The following VPS37C variants were observed in gnomAD, a reference collection of about 807,000 sequenced individuals.
VPS37C encodes the protein vacuolar protein sorting-associated protein 37C.
A neutral mutation model predicts 16.1 loss-of-function variants in VPS37C; 9 were observed. That is an observed-to-expected ratio of 0.56 (90% confidence interval 0.34 to 0.97). VPS37C has a LOEUF of 0.97. Ranked by LOEUF, VPS37C falls within the 50% of genes least tolerant of loss-of-function variation. The probability of loss-of-function intolerance (pLI) is 0.02; values close to 1 mark genes in which losing one functional copy is unlikely to be tolerated. For synonymous variants in VPS37C, 207 were observed against 206.4 expected (o/e 1.00, Z -0.02); for missense variants, 479 against 472.7 (o/e 1.01, Z -0.12).
intron 1 of VPS37C, among the ~76,000 whole-genome samples, chr11:61,153,423 CA>C (rs1853332208): frequency 6.6e-6 from 1 of 152,178 alleles, no homozygotes. Flanking sequence ...ATTAGTTACC[CA>C]GTCTTGGGCA....
At chr11:61,153,445 T>C (rs531078622) in intron 1 of VPS37C, among the ~76,000 whole-genome samples, 83 of 152,190 alleles carry the variant, frequency 5.5e-4, no homozygotes, top group Non-Finnish European at 1.1e-3. Flanking sequence ...GTTCTTTTTA[T>C]TATAGCAGTG....
chr11:61,156,680 C>T (rs931776186), intron 1 of VPS37C, among the ~76,000 whole-genome samples: 3 of 152,164 alleles, frequency 2.0e-5, no homozygotes, highest in African/African-American at 4.8e-5. Context: ...AAGTAAAAAA[C>T]TTTTTAAGAG....
rs375160257 is a variant in VPS37C, at chr11:61,130,499, C to T, written c.*1321G>A. 4.9e-6 allele frequency: 1 copy of T among 203,924 alleles called. No individual in the cohort carries two copies. Among genetic ancestry groups the T allele is most frequent in the Non-Finnish European group, 9.9e-6 (1 of 101,280 alleles). The allele number at this position is 203,924 out of a possible 1,614,324, so 12.6% of individuals were successfully genotyped here. On this transcript the variant is annotated 3_prime_UTR_variant, in exon 5 of 5. Transcript: ENST00000301765. ...GGTCCCTCCTTGGCCCCAGCAGCCC[C>T]GGGCCCACCAGATGCTGCGTCCTCA...
At chr11:61,155,397 C>T (rs1590795396) in intron 1 of VPS37C, among the ~76,000 whole-genome samples, 1 of 144,590 alleles carries the variant, frequency 6.9e-6, no homozygotes, top group South Asian at 2.3e-4. Flanking sequence ...TACTAGGGAC[C>T]CTGAGGTGGG....
At chr11:61,138,922 A>C in intron 1 of VPS37C, 87 bp from the exon 2 acceptor site, 1 of 1,281,454 alleles carries the variant, frequency 7.8e-7, no homozygotes. Context: ...ATCAAAAACA[A>C]ACTGGAGTTT....
At chr11:61,144,839 T>G (rs1853170837) in intron 1 of VPS37C, 2 of 152,334 alleles carry the variant, frequency 1.3e-5, no homozygotes, top group South Asian at 4.1e-4. Context: ...ACCGGAGGCC[T>G]CCACCAAGCT....
chr11:61,150,368 T>A (rs1853278585), intron 1 of VPS37C, among the ~76,000 whole-genome samples: 1 of 152,018 alleles, frequency 6.6e-6, no homozygotes, highest in African/African-American at 2.4e-5. Context: ...GATGAATGTG[T>A]CCTATCATGC....
chr11:61,136,977 C>G (rs191425985), intron 2 of VPS37C, among the ~76,000 whole-genome samples: 1 of 152,124 alleles, frequency 6.6e-6, no homozygotes, highest in East Asian at 1.9e-4. Context: ...CCATTGCACT[C>G]CAGCCTGGGT....
intron 1 of VPS37C, among the ~76,000 whole-genome samples, chr11:61,147,120 T>C (rs1033022889): frequency 6.6e-6 from 1 of 152,164 alleles, no homozygotes; most frequent in Admixed American, 6.5e-5. Flanking sequence ...CCTGAATTGA[T>C]GCCATATCCT....
At chr11:61,160,616 G>C (rs1185870863) in intron 1 of VPS37C, among the ~76,000 whole-genome samples, 1 of 152,122 alleles carries the variant, frequency 6.6e-6, no homozygotes, top group East Asian at 1.9e-4. Context: ...GGTGTAGCTG[G>C]GAAAGCACTG....
chr11:61,157,854 T>C (rs1328149655), intron 1 of VPS37C, among the ~76,000 whole-genome samples: 1 of 152,236 alleles, frequency 6.6e-6, no homozygotes, highest in Non-Finnish European at 1.5e-5. Context: ...CCCTCATGAA[T>C]GGCTTGGTGC....
At chr11:61,157,787 T>C (rs138428319) in intron 1 of VPS37C, among the ~76,000 whole-genome samples, 3 of 152,370 alleles carry the variant, frequency 2.0e-5, no homozygotes, top group Admixed American at 1.3e-4. Context: ...CGTTAAAATT[T>C]GATTTCCAAT....
intron 2 of VPS37C, 61 bp from the exon 3 acceptor site, chr11:61,134,268 C>T: frequency 6.4e-7 from 1 of 1,556,398 alleles, no homozygotes; most frequent in South Asian, 1.2e-5. Flanking sequence ...CTCCTGGCAG[C>T]CTGGGTCAGG....
In VPS37C at chr11:61,132,640, CGCCTCAGGCA is replaced by C. The variant is rs1861292897; in HGVS notation, c.349-111_349-102del. The C allele has an allele frequency of 6.1e-6, 9 of 1,468,092 alleles. No homozygotes were observed. In the South Asian group the frequency reaches 1.2e-4, roughly 20 times the overall value. The allele number at this position is 1,468,092 out of a possible 1,614,324, so 90.9% of individuals were successfully genotyped here. A position where few individuals can be genotyped will look rare whatever the true frequency, so the allele number is the denominator to read the frequency against. On this transcript the variant is annotated intron_variant, in intron 4 of 4. Coordinates refer to ENST00000301765, the MANE Select transcript of VPS37C (RefSeq NM_017966.5). ...CAGCTGCAGCCCTCCCACCTCACGC[CGCCTCAGGCA>C]CCCCCTCCTCTTCCCTGCCCATACG... is the stretch of plus-strand genomic sequence containing the variant.
chr11:61,133,716 G>C (rs1012135739), intron 3 of VPS37C, among the ~76,000 whole-genome samples: 1 of 152,184 alleles, frequency 6.6e-6, no homozygotes, highest in African/African-American at 2.4e-5. Context: ...CTGGGACACA[G>C]AGAGCCCAGA....
chr11:61,153,465 G>A (rs767010850), intron 1 of VPS37C, among the ~76,000 whole-genome samples: 6 of 152,086 alleles, frequency 3.9e-5, no homozygotes, highest in African/African-American at 9.7e-5. Context: ...GTGAAAAAAC[G>A]GACTAATACA....
chr11:61,139,312 G>C (rs1861433178), intron 1 of VPS37C, among the ~76,000 whole-genome samples: 1 of 152,146 alleles, frequency 6.6e-6, no homozygotes, highest in South Asian at 2.1e-4. Flanking sequence ...CGACATCACT[G>C]GTTCAACTAT....
At chr11:61,147,211 G>A (rs886937731) in intron 1 of VPS37C, among the ~76,000 whole-genome samples, 2 of 152,148 alleles carry the variant, frequency 1.3e-5, no homozygotes, top group Admixed American at 6.6e-5. Flanking sequence ...CATCCCACAA[G>A]AATCCTGGAG....
intron 2 of VPS37C, among the ~76,000 whole-genome samples, chr11:61,137,521 TTCCCATGGCACCATGCTCAC>T (rs1861399297): frequency 1.3e-5 from 2 of 152,228 alleles, no homozygotes. Flanking sequence ...GGCCTTGGGC[TTCCCATGGCACCATGCTCAC>T]AGTGCTTAAT....
Sources: allele counts gnomAD v4.1 joint callset (sites outside exome capture counted in the v4.1 genomes callset), GRCh38; gene constraint gnomAD v4.1.1; transcripts MANE v1.5; gene names NCBI Gene and HGNC (gene_info 2026-07-23, HGNC 2026-07-21).